WFDC1: variants seen among roughly 807,000 people sequenced by gnomAD.
WFDC1 encodes the protein WAP four-disulfide core domain 1.
WFDC1 carries 39 observed loss-of-function variants against 32.9 expected under a neutral mutation model. That is an observed-to-expected ratio of 1.19 (90% CI 0.92 to 1.55). WFDC1 has a LOEUF of 1.55. Among genes scored for constraint, WFDC1 ranks in the 40% most tolerant of loss-of-function variants. The probability of loss-of-function intolerance (pLI) is 0.00; values close to 1 mark genes in which losing one functional copy is unlikely to be tolerated. For missense variants in WFDC1, 386 were observed against 309.5 expected, an observed-to-expected ratio of 1.25 and a Z score of -1.85; for synonymous variants, 184 against 137.4, an observed-to-expected ratio of 1.34 and a Z score of -2.37.
chr16:84,318,237 G>C, intron 2 of WFDC1, 35 bp from the exon 3 acceptor site: 2 of 1,610,542 alleles, frequency 1.2e-6, no homozygotes, highest in Non-Finnish European at 1.7e-6. Context: ...TCAGCTGCTT[G>C]AGGAGGGCCC....
chr16:84,319,203 G>C (rs1908147158), intron 3 of WFDC1: 1 of 567,288 alleles, frequency 1.8e-6, no homozygotes, highest in South Asian at 2.3e-5. Context: ...GATCAGGTGA[G>C]CTTGGACTGC....
chr16:84,309,781 G>A (rs1339267141), intron 1 of WFDC1, among the ~76,000 whole-genome samples: 3 of 151,950 alleles, frequency 2.0e-5, no homozygotes, highest in African/African-American at 7.3e-5. Context: ...GTCTGTAGAC[G>A]CCATCTCTGC....
rs780440065 is a variant in WFDC1 at position 84,294,928 on chromosome 16, C to A, written c.-44C>A. On this transcript the variant is annotated 5_prime_UTR_variant, in exon 1 of 7. Coordinates refer to ENST00000219454, the MANE Select transcript of WFDC1 (RefSeq NM_021197.4). ...TCACAGGCCCACGCAGCGAGGGGGG[C>A]CCCTCTTCTGTGTGCGTCTGGAAGG... 2.0e-5 allele frequency: 32 copies of A among 1,589,896 alleles called. No individual in the cohort carries two copies. In the African/African-American group the frequency reaches 3.5e-4, roughly 17 times the overall value.
chr16:84,324,874 T>TCCAC (rs529863694), intron 5 of WFDC1, among the ~76,000 whole-genome samples: 4 of 151,748 alleles, frequency 2.6e-5, no homozygotes, highest in African/African-American at 4.8e-5. Context: ...CATCCATCCA[T>TCCAC]CCACCGATTC....
At chr16:84,325,262 G>T (rs1908524348) in intron 5 of WFDC1, among the ~76,000 whole-genome samples, 1 of 150,444 alleles carries the variant, frequency 6.6e-6, no homozygotes, top group African/African-American at 2.5e-5. Flanking sequence ...GGGTGCACTG[G>T]AGTAATCTTG....
chr16:84,314,739 C>A (rs1031262335), intron 2 of WFDC1, among the ~76,000 whole-genome samples: 1 of 152,174 alleles, frequency 6.6e-6, no homozygotes, highest in Non-Finnish European at 1.5e-5. Flanking sequence ...ATAAGAAAAC[C>A]TAAATGTTGC....
At chr16:84,320,490 G>A (rs774367465) in intron 4 of WFDC1, among the ~76,000 whole-genome samples, 1 of 152,224 alleles carries the variant, frequency 6.6e-6, no homozygotes, top group Admixed American at 6.5e-5. Context: ...ATAAATAGAT[G>A]AGTGAATTGT....
intron 1 of WFDC1, among the ~76,000 whole-genome samples, chr16:84,311,191 A>G (rs1376920869): frequency 6.6e-6 from 1 of 151,896 alleles, no homozygotes; most frequent in African/African-American, 2.4e-5. Context: ...TTACCTTTAA[A>G]ATATTGATCT....
chr16:84,302,029 A>G (rs1187897497), intron 1 of WFDC1, among the ~76,000 whole-genome samples: 1 of 152,240 alleles, frequency 6.6e-6, no homozygotes, highest in African/African-American at 2.4e-5. Context: ...TCAGGGGACT[A>G]GAACTCAGCC....
chr16:84,313,346 G>A (rs1287026779), intron 2 of WFDC1, among the ~76,000 whole-genome samples, 193 bp downstream of exon 2: 1 of 152,212 alleles, frequency 6.6e-6, no homozygotes, highest in Non-Finnish European at 1.5e-5. Flanking sequence ...GCTGCTGTGT[G>A]TCCCACTGCC....
At chr16:84,309,854 TG>T (rs56240576) in intron 1 of WFDC1, among the ~76,000 whole-genome samples, 36 of 83,536 alleles carry the variant, frequency 4.3e-4, no homozygotes, top group African/African-American at 1.0e-3. Context: ...CATGTGTGTG[TG>T]GGGGGGGCGT....
intron 1 of WFDC1, among the ~76,000 whole-genome samples, chr16:84,307,182 C>G (rs553980505): frequency 6.6e-6 from 1 of 152,138 alleles, no homozygotes; most frequent in African/African-American, 2.4e-5. Context: ...AGTCCGACCT[C>G]TAGGCCAAGA....
chr16:84,309,383 A>T (rs1179784523), intron 1 of WFDC1, among the ~76,000 whole-genome samples: 1 of 152,154 alleles, frequency 6.6e-6, no homozygotes, highest in African/African-American at 2.4e-5. Context: ...AGAGGTGACC[A>T]AATCCACAGG....
At chr16:84,297,158 T>C (rs1300832113) in intron 1 of WFDC1, among the ~76,000 whole-genome samples, 1 of 152,126 alleles carries the variant, frequency 6.6e-6, no homozygotes, top group African/African-American at 2.4e-5. Flanking sequence ...GGGGAGTCTC[T>C]AAAACACAGG....
rs146937240 is a variant in WFDC1 at position 84,325,512 on chromosome 16, C to A, written c.604+1052C>A. Among the ~76,000 whole-genome samples, 4 of 152,010 alleles carry A rather than the reference C, an allele frequency of 2.6e-5. No homozygotes were observed. The East Asian group carries it at 7.7e-4, about 29-fold the overall frequency. On this transcript the variant is annotated intron_variant, in intron 5 of 6. Transcript: ENST00000219454. ...GCCACTGTGCCTGGCCCCATCCACCCATCTGTCTATCCATTTATCCATCCA... is the reference window on the plus strand; with the variant it reads ...GCCACTGTGCCTGGCCCCATCCACCAATCTGTCTATCCATTTATCCATCCA...
intron 2 of WFDC1, 108 bp downstream of exon 2, chr16:84,313,261 G>A (rs1465118422): frequency 4.4e-6 from 5 of 1,129,554 alleles, no homozygotes; most frequent in East Asian, 6.8e-5. Context: ...CCACCTGGGC[G>A]GGTCTCGGGC....
chr16:84,294,921 A>AG lies in WFDC1; in HGVS notation c.-45dup, dbSNP rs147313495. On this transcript the variant is annotated 5_prime_UTR_variant, in exon 1 of 7. Coordinates refer to ENST00000219454, the MANE Select transcript of WFDC1 (RefSeq NM_021197.4). ...TCCCCACTCACAGGCCCACGCAGCG[A>AG]GGGGGGCCCCTCTTCTGTGTGCGTC... 9.0e-4 allele frequency: 1,421 copies of AG among 1,582,354 alleles called. 15 individuals are homozygous for AG. In the African/African-American group the frequency reaches 0.017, roughly 19 times the overall value.
chr16:84,326,106 TATCC>T (rs57597843), intron 5 of WFDC1: 141,399 of 147,258 alleles, frequency 0.96, 67,897 homozygotes, highest in East Asian at 0.99. Flanking sequence ...CCCACCCATC[TATCC>T]ATCCATCCAT....
chr16:84,327,075 A>G (rs1597699030), intron 6 of WFDC1, 120 bp downstream of exon 6: 1 of 942,084 alleles, frequency 1.1e-6, no homozygotes, highest in East Asian at 2.5e-5. Context: ...CTACTGGTAG[A>G]ATTTGAAATT....
Sources: gnomAD v4.1 joint callset for allele counts (sites outside exome capture counted in the v4.1 genomes callset) on GRCh38, gnomAD v4.1.1 for gene constraint, MANE v1.5 for transcripts, NCBI Gene and HGNC (gene_info 2026-07-23, HGNC 2026-07-21) for gene names.